Variants in DPF3 observed in about 807,000 individuals in gnomAD.
DPF3 encodes the protein double PHD fingers 3.
In DPF3, 18 loss-of-function variants were observed where a neutral mutation model predicts 56.8. The observed-to-expected ratio is 0.32, with a 90% CI of 0.22 to 0.47. The LOEUF (loss-of-function observed/expected upper bound fraction) is 0.47, where lower values mean the gene tolerates loss of function less well. Among genes scored for constraint, DPF3 ranks in the 20% least tolerant of loss-of-function variants. The pLI, the probability that DPF3 is intolerant of heterozygous loss-of-function variation, is 1.00. For synonymous variants in DPF3, 188 were observed against 180.2 expected (o/e 1.04, Z -0.35); for missense variants, 403 against 488.8 (o/e 0.82, Z 1.65).
intron 5 of DPF3, among the ~76,000 whole-genome samples, chr14:72,714,801 G>A (rs1888837067): frequency 6.6e-6 from 1 of 151,742 alleles, no homozygotes; most frequent in African/African-American, 2.4e-5. Flanking sequence ...GCTTGCCCAA[G>A]GTCGTTCGGC....
At chr14:72,764,853 A>T (rs1315094087) in intron 2 of DPF3, among the ~76,000 whole-genome samples, 2 of 152,214 alleles carry the variant, frequency 1.3e-5, no homozygotes, top group African/African-American at 2.4e-5. Context: ...CTCCATTTAT[A>T]GCCCATAGGT....
chr14:72,688,621 T>C (rs1259500655), intron 7 of DPF3, among the ~76,000 whole-genome samples: 2 of 152,224 alleles, frequency 1.3e-5, no homozygotes, highest in Non-Finnish European at 2.9e-5. Context: ...GTAGTCACAA[T>C]GGTATGCTTC....
intron 1 of DPF3, among the ~76,000 whole-genome samples, chr14:72,810,473 G>C (rs543544365): frequency 6.6e-6 from 1 of 152,278 alleles, no homozygotes; most frequent in South Asian, 2.1e-4. Flanking sequence ...GAAGGTGGGC[G>C]TGTGTGGGGT....
At chr14:72,883,722 G>T (rs1305877470) in intron 1 of DPF3, among the ~76,000 whole-genome samples, 1 of 152,142 alleles carries the variant, frequency 6.6e-6, no homozygotes, top group Non-Finnish European at 1.5e-5. Flanking sequence ...GAGGTCAGGA[G>T]ATCGAGACCA....
At chr14:72,739,342 A>G (rs377702574) in intron 3 of DPF3, among the ~76,000 whole-genome samples, 123 of 152,260 alleles carry the variant, frequency 8.1e-4, no homozygotes, top group African/African-American at 2.9e-3. Context: ...TAAAGCACAC[A>G]CTTGGCCTTG....
At chr14:72,633,874 C>G (rs1885299916) in intron 8 of DPF3, among the ~76,000 whole-genome samples, 1 of 152,182 alleles carries the variant, frequency 6.6e-6, no homozygotes, top group Admixed American at 6.5e-5. Flanking sequence ...TTCTCTAAGA[C>G]TCCTGTGCTG....
intron 1 of DPF3, among the ~76,000 whole-genome samples, chr14:72,846,236 G>A (rs1222463819): frequency 6.6e-6 from 1 of 150,732 alleles, no homozygotes; most frequent in African/African-American, 2.4e-5. Context: ...TCAGCCTCCC[G>A]AGTAGCTGGG....
chr14:72,714,816 C>A (rs1428049214), intron 5 of DPF3, among the ~76,000 whole-genome samples: 1 of 151,372 alleles, frequency 6.6e-6, no homozygotes, highest in Non-Finnish European at 1.5e-5. Flanking sequence ...TTCGGCTACT[C>A]AGGGCAGCTG....
intron 7 of DPF3, among the ~76,000 whole-genome samples, chr14:72,691,580 A>G (rs1268750722): frequency 6.6e-6 from 1 of 152,122 alleles, no homozygotes; most frequent in Non-Finnish European, 1.5e-5. Context: ...TACAAAAATT[A>G]GCTGGGGGTG....
At chr14:72,876,760 C>T (rs1249649604) in intron 1 of DPF3, among the ~76,000 whole-genome samples, 1 of 152,246 alleles carries the variant, frequency 6.6e-6, no homozygotes, top group Non-Finnish European at 1.5e-5. Context: ...CTCTCTGAAG[C>T]ATCCTCTGTC....
At chr14:72,874,173 A>C (rs1886018244) in intron 1 of DPF3, among the ~76,000 whole-genome samples, 1 of 151,890 alleles carries the variant, frequency 6.6e-6, no homozygotes, top group African/African-American at 2.4e-5. Context: ...ATAAGAAAAA[A>C]AAAAAAAGAA....
chr14:72,667,580 T>C (rs1886492348), intron 8 of DPF3, among the ~76,000 whole-genome samples: 1 of 152,188 alleles, frequency 6.6e-6, no homozygotes, highest in Non-Finnish European at 1.5e-5. Context: ...CAGAAAGGTG[T>C]GTTGACTGTT....
chr14:72,810,136 T>G (rs75198013), intron 1 of DPF3, among the ~76,000 whole-genome samples: 12,491 of 152,206 alleles, frequency 0.082, 786 homozygotes, highest in South Asian at 0.19. Flanking sequence ...ATAGGGAAGA[T>G]GCGAATAAGG....
At chr14:72,797,829 C>T (rs950317753) in intron 1 of DPF3, among the ~76,000 whole-genome samples, 1 of 152,154 alleles carries the variant, frequency 6.6e-6, no homozygotes, top group African/African-American at 2.4e-5. Context: ...GGAGACCTTG[C>T]TAATTCTCTT....
chr14:72,854,917 A>AT (rs1475361983), intron 1 of DPF3, among the ~76,000 whole-genome samples: 1 of 152,194 alleles, frequency 6.6e-6, no homozygotes, highest in Non-Finnish European at 1.5e-5. Flanking sequence ...TGTCCTTCTG[A>AT]TTCTACTTTT....
intron 1 of DPF3, among the ~76,000 whole-genome samples, chr14:72,821,562 T>C (rs1271511817): frequency 6.6e-6 from 1 of 152,224 alleles, no homozygotes; most frequent in African/African-American, 2.4e-5. Flanking sequence ...ACTTAATAAA[T>C]ATTTCTCAAA....
intron 5 of DPF3, among the ~76,000 whole-genome samples, chr14:72,719,545 G>A (rs1265826088): frequency 6.6e-6 from 1 of 152,084 alleles, no homozygotes; most frequent in Non-Finnish European, 1.5e-5. Flanking sequence ...GAACACCACA[G>A]TACATAAATA....
chr14:72,802,267 G>A (rs1295433073), intron 1 of DPF3, among the ~76,000 whole-genome samples: 3 of 152,156 alleles, frequency 2.0e-5, no homozygotes, highest in East Asian at 1.9e-4. Context: ...GAGTCATGGC[G>A]AACTGTACAC....
chr14:72,720,875 C>T (rs929572243), intron 5 of DPF3, among the ~76,000 whole-genome samples: 4 of 151,944 alleles, frequency 2.6e-5, no homozygotes, highest in Admixed American at 2.0e-4. Context: ...TTTCCAGCAG[C>T]ACATTTTTTT....
Sources: allele counts gnomAD v4.1 joint callset (sites outside exome capture counted in the v4.1 genomes callset), GRCh38; gene constraint gnomAD v4.1.1; transcripts MANE v1.5; gene names NCBI Gene and HGNC (gene_info 2026-07-23, HGNC 2026-07-21).